KCTD2: variants seen among roughly 807,000 people sequenced by gnomAD.
KCTD2 encodes the protein BTB/POZ domain-containing protein KCTD2.
A neutral mutation model predicts 27.9 loss-of-function variants in KCTD2; 18 were observed. The observed-to-expected ratio is 0.64, with a 90% CI of 0.45 to 0.96. The LOEUF is 0.96. KCTD2 is among the 40% of genes least tolerant of loss of function. The pLI is 0.00. For synonymous variants in KCTD2, 175 were observed against 148.4 expected (o/e 1.18, Z -1.30); for missense variants, 280 against 348.0 (o/e 0.80, Z 1.56).
chr17:75,045,106 G>A (rs192908003), upstream of KCTD2, among the ~76,000 whole-genome samples: 258 of 152,242 alleles, frequency 1.7e-3, 1 homozygote, highest in African/African-American at 5.7e-3. Flanking sequence ...CTGGGCGTCC[G>A]GGGGAGACAT....
Position 75,039,234 on chromosome 17 carries a change from G to A in KCTD2, c.-259+3877G>A. 1 of 1,614,116 alleles carries A rather than the reference G, an allele frequency of 6.2e-7. No homozygotes were observed. Among genetic ancestry groups the A allele is most frequent in the South Asian group, 1.1e-5 (1 of 91,076 alleles). The stretch of plus-strand genomic sequence containing the variant: ...CTCTTTCTCATATTCTACAATCCTG[G>A]CCTTTGAGAGAGACACCCACTCAGC... On this transcript the variant is annotated intron_variant, in intron 3 of 7. Coordinates refer to the KCTD2 transcript ENST00000581589.
chr17:75,055,977 G>A (rs1260950622), intron 3 of KCTD2, among the ~76,000 whole-genome samples: 1 of 152,100 alleles, frequency 6.6e-6, no homozygotes, highest in Non-Finnish European at 1.5e-5. Flanking sequence ...GTTGCAGTGA[G>A]CTGAGATGGC....
intron 2 of KCTD2, among the ~76,000 whole-genome samples, chr17:75,051,101 G>C (rs1176280915): frequency 1.3e-5 from 2 of 150,854 alleles, no homozygotes; most frequent in African/African-American, 4.9e-5. Context: ...AGCCTCCCGA[G>C]TAGCTGGGAC....
Position 75,065,363 on chromosome 17 carries a change from T to C in KCTD2, c.*2316T>C, listed in dbSNP as rs1469418848. 1 of 152,276 alleles carries C rather than the reference T, an allele frequency of 6.6e-6. No homozygotes were observed. Among genetic ancestry groups the C allele is most frequent in the Non-Finnish European group, 1.5e-5 (1 of 68,076 alleles). The allele number at this position is 152,276 out of a possible 1,614,324, so 9.4% of individuals were successfully genotyped here. On this transcript the variant is annotated 3_prime_UTR_variant, in exon 6 of 6. Transcript: ENST00000322444. Reference sequence around the variant, plus strand: ...GGCTGGTGTTCTTGCTTGAAAGCGTTGTGCCCTCTGAGTGTCTGGCTGATC... The same window carrying C: ...GGCTGGTGTTCTTGCTTGAAAGCGTCGTGCCCTCTGAGTGTCTGGCTGATC...
intron 4 of KCTD2, chr17:75,060,508 G>A (rs1296729425): frequency 8.1e-6 from 13 of 1,612,264 alleles, no homozygotes; most frequent in Non-Finnish European, 8.5e-6. Context: ...ACAACAGCGC[G>A]ACAGCCAAGA....
chr17:75,047,064 C>G (rs2073228688), upstream of KCTD2: 1 of 269,524 alleles, frequency 3.7e-6, no homozygotes, highest in Admixed American at 5.4e-5. Context: ...AGGGCTGGTT[C>G]CGGAAGTATC....
chr17:75,038,137 T>TA (rs1321576297), intron 3 of KCTD2, among the ~76,000 whole-genome samples: 1 of 152,138 alleles, frequency 6.6e-6, no homozygotes, highest in African/African-American at 2.4e-5. Flanking sequence ...CCTTTTTTTT[T>TA]AGAGGCAAAG....
intron 2 of KCTD2, among the ~76,000 whole-genome samples, chr17:75,052,727 C>T (rs966931909): frequency 3.3e-5 from 5 of 151,472 alleles, no homozygotes; most frequent in African/African-American, 1.2e-4. Context: ...CTGTTTCGGG[C>T]GGGGGGAAAA....
intron 4 of KCTD2, chr17:75,060,383 A>T: frequency 6.8e-7 from 1 of 1,460,678 alleles, no homozygotes; most frequent in Non-Finnish European, 9.3e-7. Context: ...TTCACATTCA[A>T]GTGATCCTCT....
At chr17:75,052,946 A>G (rs2073304338) in intron 2 of KCTD2, 68 bp from the exon 3 acceptor site, 3 of 1,114,216 alleles carry the variant, frequency 2.7e-6, no homozygotes, top group Non-Finnish European at 4.1e-6. Context: ...TGTAACCTTC[A>G]TCCTCTCCTT....
At chr17:75,052,865 G>C (rs556411850) in intron 2 of KCTD2, 149 bp from the exon 3 acceptor site, 1 of 634,736 alleles carries the variant, frequency 1.6e-6, no homozygotes, top group Non-Finnish European at 2.8e-6. Flanking sequence ...CTGAACTCCA[G>C]CCTGGGCGAC....
At chr17:75,048,143 G>A (rs1483317816) in intron 1 of KCTD2, among the ~76,000 whole-genome samples, 1 of 152,146 alleles carries the variant, frequency 6.6e-6, no homozygotes, top group African/African-American at 2.4e-5. Context: ...ACTGGTTTAG[G>A]TCCATATTTA....
At position 75,064,371 on chromosome 17, in the gene KCTD2, G is replaced by A. The variant is rs2073435744; in HGVS notation, c.*1324G>A. 1 of 152,308 alleles carries A rather than the reference G, an allele frequency of 6.6e-6. No individual in the cohort carries two copies. The highest frequency in any genetic ancestry group is 1.5e-5 in the Non-Finnish European group (1 of 68,090). The allele number at this position is 152,308 out of a possible 1,614,324, so 9.4% of individuals were successfully genotyped here. ...AGTATGGCAGATGGCACAGAGAAAG[G>A]GAAGGGGCTCTGGGGACTTCTCCTT... On this transcript the variant is annotated 3_prime_UTR_variant, in exon 6 of 6. Transcript: ENST00000322444.
intron 3 of KCTD2, chr17:75,040,374 G>T (rs371474881): frequency 5.1e-6 from 3 of 591,528 alleles, no homozygotes; most frequent in African/African-American, 3.7e-5. Flanking sequence ...GGAGCTCAAG[G>T]GTCTTCTCAG....
At chr17:75,056,581 T>A (rs2073352269) in intron 3 of KCTD2, among the ~76,000 whole-genome samples, 1 of 152,232 alleles carries the variant, frequency 6.6e-6, no homozygotes. Flanking sequence ...TGGAAGCTTT[T>A]TTGTTCTAGG....
intron 2 of KCTD2, among the ~76,000 whole-genome samples, chr17:75,052,080 C>T (rs1019149994): frequency 6.6e-5 from 10 of 151,972 alleles, no homozygotes; most frequent in African/African-American, 2.4e-4. Flanking sequence ...AGGTGTCCAA[C>T]ATGACTAGTT....
Position 75,047,437 on chromosome 17 carries a change from G to A in KCTD2, c.187G>A (p.Glu63Lys). The A allele has an allele frequency of 6.8e-7, 1 of 1,461,706 alleles. No individual in the cohort carries two copies. Among genetic ancestry groups the A allele is most frequent in the South Asian group, 1.3e-5 (1 of 75,102 alleles). The allele number at this position is 1,461,706 out of a possible 1,614,324, so 90.5% of individuals were successfully genotyped here. A position where few individuals can be genotyped will look rare whatever the true frequency, so the allele number is the denominator to read the frequency against. The part of the protein sequence containing the change: ...QPLEPGPGPP[E>K]RAGGGGAARW... ...GCTGGAGCCGGGTCCCGGACCACCC[G>A]AGCGGGCAGGGGGCGGCGGCGCGGC... Residue 63 changes from glutamate (E) to lysine (K), a missense_variant, in exon 1 of 6, where the codon GAG (glutamate) becomes AAG (lysine). By Grantham distance (56) the Glu-to-Lys change is moderately conservative. Coordinates refer to ENST00000322444, the MANE Select transcript of KCTD2 (RefSeq NM_015353.3).
chr17:75,055,955 A>G (rs12936866), intron 3 of KCTD2, among the ~76,000 whole-genome samples: 24,110 of 151,944 alleles, frequency 0.16, 3,015 homozygotes, highest in East Asian at 0.62. Context: ...CGCTTGAACT[A>G]AGATAGCAGA....
At chr17:75,062,855 T>C (rs996270342) in intron 5 of KCTD2, among the ~76,000 whole-genome samples, 163 bp from the exon 6 acceptor site, 1 of 152,048 alleles carries the variant, frequency 6.6e-6, no homozygotes, top group Non-Finnish European at 1.5e-5. Context: ...CAAGAGAGTG[T>C]TTCGCACCAG....
Sources: allele counts gnomAD v4.1 joint callset (sites outside exome capture counted in the v4.1 genomes callset), GRCh38; gene constraint gnomAD v4.1.1; transcripts MANE v1.5; gene names NCBI Gene and HGNC (gene_info 2026-07-23, HGNC 2026-07-21).